HCLS1: variants seen among roughly 807,000 people sequenced by gnomAD.
HCLS1 encodes the protein hematopoietic lineage cell-specific protein.
HCLS1 carries 44 observed loss-of-function variants against 68.6 expected under a neutral mutation model. The observed-to-expected ratio is 0.64, with a 90% CI of 0.50 to 0.82. HCLS1 has a LOEUF of 0.82. Among genes scored for constraint, HCLS1 ranks in the 40% least tolerant of loss-of-function variants. The pLI, the probability that HCLS1 is intolerant of heterozygous loss-of-function variation, is 0.00. For missense variants in HCLS1, 602 were observed against 612.1 expected (o/e 0.98, Z 0.17); for synonymous variants, 217 against 225.8 (o/e 0.96, Z 0.35).
rs927133702 is a variant in HCLS1, at chr3:121,647,305, C to A, written c.288+14G>T. The A allele has an allele frequency of 1.4e-5, 22 of 1,613,258 alleles. No homozygotes were observed. Among genetic ancestry groups the A allele is most frequent in the Non-Finnish European group, 1.9e-5 (22 of 1,179,760 alleles). ...TTGTATTTTTTTAAAGCAAATCTTT[C>A]CCTTTCAACTTACCTTGTCCATTCG... On this transcript the variant is annotated intron_variant, in intron 4 of 13. Transcript: ENST00000314583.
intron 6 of HCLS1, among the ~76,000 whole-genome samples, chr3:121,637,466 C>T (rs1337305605): frequency 1.3e-5 from 2 of 152,082 alleles, no homozygotes; most frequent in Non-Finnish European, 2.9e-5. Context: ...TCTCTCATTT[C>T]CATGCCAAGA....
chr3:121,650,829 A>C (rs537335523), intron 3 of HCLS1, among the ~76,000 whole-genome samples: 1 of 152,314 alleles, frequency 6.6e-6, no homozygotes, highest in East Asian at 1.9e-4. Flanking sequence ...TGCTCTTAAA[A>C]AGATGCCATT....
Position 121,637,272 on chromosome 3 carries a change from C to T in HCLS1, c.455-16G>A, listed in dbSNP as rs1398150371. 2 of 1,574,998 alleles carry T rather than the reference C, an allele frequency of 1.3e-6. No homozygotes were observed. Among genetic ancestry groups the T allele is most frequent in the Non-Finnish European group, 8.7e-7 (1 of 1,144,480 alleles). ...CGAGAGTAATCTGTGGTCGAAGGAGCAGTCATGAGAGCCCACCCTTAGGCT... is the reference window on the plus strand; with the variant it reads ...CGAGAGTAATCTGTGGTCGAAGGAGTAGTCATGAGAGCCCACCCTTAGGCT... On this transcript the variant is annotated splice_polypyrimidine_tract_variant and intron_variant, in intron 6 of 13. Coordinates refer to ENST00000314583, the MANE Select transcript of HCLS1 (RefSeq NM_005335.6).
intron 11 of HCLS1, 74 bp from the exon 12 acceptor site, chr3:121,632,637 C>T: frequency 7.7e-7 from 1 of 1,298,080 alleles, no homozygotes; most frequent in Non-Finnish European, 1.1e-6. Flanking sequence ...ATAAGATCCC[C>T]CGCCCTTCAC....
At chr3:121,644,638 G>T (rs529174672) in intron 5 of HCLS1, 180 bp downstream of exon 5, 11 of 699,940 alleles carry the variant, frequency 1.6e-5, no homozygotes, top group African/African-American at 1.4e-4. Flanking sequence ...TCAGCATGTG[G>T]CTTCCAACAT....
At chr3:121,651,427 T>C (rs771849371) in intron 3 of HCLS1, among the ~76,000 whole-genome samples, 1 of 152,096 alleles carries the variant, frequency 6.6e-6, no homozygotes, top group Non-Finnish European at 1.5e-5. Context: ...TTTGTTGTTG[T>C]TGTTGTTGTT....
At chr3:121,634,537 G>T in intron 9 of HCLS1, 119 bp from the exon 10 acceptor site, 1 of 907,890 alleles carries the variant, frequency 1.1e-6, no homozygotes, top group Non-Finnish European at 1.7e-6. Context: ...TTGTGGGACA[G>T]GATGGTAAAG....
At chr3:121,633,731 G>A (rs1301657514) in intron 10 of HCLS1, among the ~76,000 whole-genome samples, 3 of 151,746 alleles carry the variant, frequency 2.0e-5, no homozygotes, top group South Asian at 2.1e-4. Flanking sequence ...ATAGCGATAG[G>A]TTCTTACTAT....
chr3:121,642,886 C>T (rs771638275), intron 6 of HCLS1, 41 bp downstream of exon 6: 17 of 1,513,200 alleles, frequency 1.1e-5, no homozygotes, highest in East Asian at 4.5e-5. Flanking sequence ...AAGAGCCTGC[C>T]GGTCAGATTG....
At position 121,632,573 on chromosome 3, in the gene HCLS1, GAC is replaced by G. The variant is rs1450296421; in HGVS notation, c.1009-12_1009-11del. 6.2e-7 allele frequency: 1 copy of G among 1,607,760 alleles called. No homozygotes were observed. Among genetic ancestry groups the G allele is most frequent in the Non-Finnish European group, 8.5e-7 (1 of 1,178,128 alleles). On this transcript the variant is annotated splice_polypyrimidine_tract_variant and intron_variant, in intron 11 of 13. Coordinates refer to ENST00000314583, the MANE Select transcript of HCLS1 (RefSeq NM_005335.6). ...GGGGCTCCTCATTGTCCTGAGAAGA[GAC>G]AGTGTGGAGCACTGTGACTTCCACT... is the stretch of plus-strand genomic sequence containing the variant.
chr3:121,647,106 TGA>T (rs201168614), intron 4 of HCLS1, among the ~76,000 whole-genome samples: 13,012 of 151,016 alleles, frequency 0.086, 700 homozygotes, highest in Non-Finnish European at 0.12. Flanking sequence ...CTCAGCCTCC[TGA>T]GTAGCTGGGA....
At chr3:121,646,275 ATATTATATTTTATG>A (rs2049247081) in intron 4 of HCLS1, among the ~76,000 whole-genome samples, 1 of 112,808 alleles carries the variant, frequency 8.9e-6, no homozygotes, top group Non-Finnish European at 1.6e-5. Context: ...TATATAATAT[ATATTATATTTTATG>A]TATTATATTT....
intron 4 of HCLS1, among the ~76,000 whole-genome samples, chr3:121,646,554 ATT>A (rs1225391028): frequency 9.1e-6 from 1 of 109,952 alleles, no homozygotes; most frequent in African/African-American, 3.7e-5. Context: ...TATTATATAT[ATT>A]AATATATATT....
At chr3:121,632,076 G>T in intron 13 of HCLS1, 25 bp downstream of exon 13, 1 of 1,613,376 alleles carries the variant, frequency 6.2e-7, no homozygotes, top group Non-Finnish European at 8.5e-7. Context: ...CATGTACCAG[G>T]CTCCTCGGGC....
At position 121,644,968 on chromosome 3, in the gene HCLS1, A is replaced by G. The variant is rs117550164; in HGVS notation, c.289-40T>C. Reference sequence around the variant, plus strand: ...GGATGGAGTGAGTGAAAAGATAAAAATGACCTTAAAAAAATAAATACAGAT... The same window carrying G: ...GGATGGAGTGAGTGAAAAGATAAAAGTGACCTTAAAAAAATAAATACAGAT... On this transcript the variant is annotated intron_variant, in intron 4 of 13. Coordinates refer to ENST00000314583, the MANE Select transcript of HCLS1 (RefSeq NM_005335.6). 1.7e-4 allele frequency: 251 copies of G among 1,468,622 alleles called. 1 individual carries two copies. In the East Asian group the frequency reaches 5.2e-3, roughly 31 times the overall value. 91.0% of individuals were successfully genotyped at this position (1,468,622 alleles called of 1,614,324 possible).
chr3:121,632,998 T>G (rs2049114563), intron 11 of HCLS1, 69 bp downstream of exon 11: 1 of 1,110,088 alleles, frequency 9.0e-7, no homozygotes, highest in African/African-American at 1.5e-5. Flanking sequence ...TTGGCCACCC[T>G]GCACAGCCCA....
chr3:121,634,659 G>A (rs1410651697), intron 9 of HCLS1, among the ~76,000 whole-genome samples: 2 of 151,268 alleles, frequency 1.3e-5, no homozygotes, highest in Non-Finnish European at 2.9e-5. Context: ...TTTTTCTTGA[G>A]ACAGGGTCTC....
intron 3 of HCLS1, chr3:121,655,445 TA>T (rs1336424544): frequency 6.9e-6 from 1 of 144,084 alleles, no homozygotes; most frequent in Non-Finnish European, 1.5e-5. Flanking sequence ...TTCATTTTTT[TA>T]TGAGGGTTGC....
intron 10 of HCLS1, 32 bp downstream of exon 10, chr3:121,634,175 T>G (rs756220255): frequency 1.2e-6 from 2 of 1,613,230 alleles, no homozygotes; most frequent in Non-Finnish European, 1.7e-6. Flanking sequence ...CAAGAGATCC[T>G]GGATGTGGAT....
Sources: gnomAD v4.1 joint callset for allele counts (sites outside exome capture counted in the v4.1 genomes callset) on GRCh38, gnomAD v4.1.1 for gene constraint, MANE v1.5 for transcripts, NCBI Gene and HGNC (gene_info 2026-07-23, HGNC 2026-07-21) for gene names.